TRAF2: variants seen among roughly 807,000 people sequenced by gnomAD.
TRAF2 encodes TNF receptor associated factor 2, also known as TNF receptor-associated factor 2.
A neutral mutation model predicts 55.6 loss-of-function variants in TRAF2; 6 were observed. The observed-to-expected ratio is 0.11, with a 90% CI of 0.06 to 0.21. TRAF2 has a LOEUF of 0.21. Ranked by LOEUF, TRAF2 falls within the 10% of genes least tolerant of loss-of-function variation. The pLI is 1.00. For synonymous variants in TRAF2, 329 were observed against 276.3 expected (o/e 1.19, Z -1.89); for missense variants, 561 against 684.5 (o/e 0.82, Z 2.01).
intron 4 of TRAF2, among the ~76,000 whole-genome samples, chr9:136,901,774 C>G (rs1242460023): frequency 6.6e-6 from 1 of 152,148 alleles, no homozygotes; most frequent in Non-Finnish European, 1.5e-5. Flanking sequence ...TCAGCCGGAC[C>G]CTGGGGTGTT....
chr9:136,902,027 C>A (rs143894474), intron 4 of TRAF2: 1 of 152,258 alleles, frequency 6.6e-6, no homozygotes, highest in African/African-American at 2.4e-5. Context: ...CTCCCTAGCA[C>A]GGGGATTGCG....
At chr9:136,897,359 G>A (rs1415047384) in intron 1 of TRAF2, among the ~76,000 whole-genome samples, 1 of 152,252 alleles carries the variant, frequency 6.6e-6, no homozygotes, top group Non-Finnish European at 1.5e-5. Flanking sequence ...GGCTGCCTTG[G>A]TGGGGCTTAC....
rs769248714 is a variant in TRAF2 at position 136,923,862 on chromosome 9, C to T, written c.1149C>T (p.Thr383=). Residue 383 remains threonine, a synonymous_variant, in exon 10 of 11, where the codon ACC becomes ACT. Transcript: ENST00000247668. ...IPAIFSPAFY[T]SRYGYKMCLR... ...CTCCTGCCTCCCCAGCCTTCTACAC[C>T]AGCAGGTACGGCTACAAGATGTGTC... The T allele has an allele frequency of 1.9e-6, 3 of 1,613,560 alleles. No homozygotes were observed. Among genetic ancestry groups the T allele is most frequent in the Admixed American group, 3.3e-5 (2 of 60,016 alleles).
intron 4 of TRAF2, among the ~76,000 whole-genome samples, chr9:136,901,369 C>T (rs917384859): frequency 6.6e-6 from 1 of 152,142 alleles, no homozygotes; most frequent in Non-Finnish European, 1.5e-5. Context: ...CCAGTGTCTG[C>T]GGATGAATGG....
At chr9:136,908,871 GAAA>G (rs11418746) in intron 5 of TRAF2, among the ~76,000 whole-genome samples, 109 of 84,454 alleles carry the variant, frequency 1.3e-3, no homozygotes, top group African/African-American at 3.9e-3. Flanking sequence ...TTCCGTCTCG[GAAA>G]AAAAAAAAAA....
chr9:136,910,864 T>C (rs1301836235), intron 6 of TRAF2, among the ~76,000 whole-genome samples: 3 of 152,238 alleles, frequency 2.0e-5, no homozygotes, highest in Admixed American at 2.0e-4. Context: ...CTGTTAAATG[T>C]CCCGCACTGT....
intron 4 of TRAF2, among the ~76,000 whole-genome samples, chr9:136,906,105 A>C (rs574527721): frequency 6.6e-6 from 1 of 152,232 alleles, no homozygotes; most frequent in South Asian, 2.1e-4. Flanking sequence ...ATCTCAAAAC[A>C]AAAACAAAAA....
rs147529604 is a variant in TRAF2 at position 136,916,568 on chromosome 9, A to G, written c.631A>G (p.Lys211Glu). The change falls in exon 7 of 11, where the codon AAG (lysine) becomes GAG (glutamate). Residue 211 changes from lysine to glutamate, a missense_variant. Lys to Glu is a moderately conservative substitution (Grantham distance 56). Transcript: ENST00000247668. The part of the protein sequence containing the change: ...KFQDHVKTCG[K>E]CRVPCRFHAI... ...TCAGGACCACGTCAAGACTTGTGGC[A>G]AGTGTCGAGTCCCTTGCAGATTCCA... is the stretch of plus-strand genomic sequence containing the variant. 4 of 1,614,024 alleles carry G rather than the reference A, an allele frequency of 2.5e-6. No individual in the cohort carries two copies. Among genetic ancestry groups the G allele is most frequent in the Non-Finnish European group, 3.4e-6 (4 of 1,179,974 alleles).
chr9:136,889,940 C>T (rs1282291257), intron 1 of TRAF2, among the ~76,000 whole-genome samples: 5 of 150,658 alleles, frequency 3.3e-5, no homozygotes, highest in East Asian at 2.0e-4. Flanking sequence ...CTCGTCACCG[C>T]GTGTGTGAGA....
chr9:136,899,381 G>A (rs17250190), intron 2 of TRAF2, among the ~76,000 whole-genome samples: 2 of 152,186 alleles, frequency 1.3e-5, no homozygotes, highest in South Asian at 4.1e-4. Context: ...CGGTTCAGGC[G>A]TGCCTTCCTC....
At position 136,913,295 on chromosome 9, in the gene TRAF2, A is replaced by AT. The variant is rs369765173; in HGVS notation, c.604-3224dup. Among the ~76,000 whole-genome samples, 344 of 87,064 alleles carry AT rather than the reference A, an allele frequency of 4.0e-3. 15 individuals carry two copies. Among genetic ancestry groups the AT allele is most frequent in the Middle Eastern group, 0.012 (1 of 84 alleles). The allele number at this position is 87,064 out of a possible 152,430, so 57.1% of individuals were successfully genotyped here. ...CATACCATGTTCTTATTATAAAGGA[A>AT]TTTTTTTTTTTTTTTTTTTTTTGAG... On this transcript the variant is annotated intron_variant, in intron 6 of 10. Coordinates refer to ENST00000247668, the MANE Select transcript of TRAF2 (RefSeq NM_021138.4).
At position 136,920,479 on chromosome 9, in the gene TRAF2, G is replaced by C; in HGVS notation, c.924G>C (p.Arg308=). ...MTAEACSRQH[R]LDQDKIEALS... is the part of the protein sequence containing the mutation. ...CCGAGGCCTGCAGCCGGCAGCACCG[G>C]CTGGACCAAGACAAGATTGAAGCCC... is the stretch of plus-strand genomic sequence containing the variant. The change falls in exon 8 of 11, where the codon CGG becomes CGC. Residue 308 remains arginine, a synonymous_variant. Transcript: ENST00000247668. 6.2e-7 allele frequency: 1 copy of C among 1,613,354 alleles called. No individual in the cohort carries two copies. Among genetic ancestry groups the C allele is most frequent in the Non-Finnish European group, 8.5e-7 (1 of 1,179,802 alleles).
chr9:136,895,011 GGGTTT>G (rs1849651899), intron 1 of TRAF2, among the ~76,000 whole-genome samples: 1 of 152,170 alleles, frequency 6.6e-6, no homozygotes. Context: ...AAAGCCTCCT[GGGTTT>G]GGCTGAGTCC....
Position 136,908,065 on chromosome 9 carries a change from G to T in TRAF2, c.367-5G>T. 6.3e-7 allele frequency: 1 copy of T among 1,598,652 alleles called. No individual in the cohort carries two copies. The highest frequency in any genetic ancestry group is 8.5e-7 in the Non-Finnish European group (1 of 1,177,178). The stretch of plus-strand genomic sequence containing the variant: ...TCTACTGACGCTTCCTCCTTTCGTT[G>T]CTAGAGCTGCCACGAAGGCCGCTGC... On this transcript the variant is annotated splice_polypyrimidine_tract_variant and splice_region_variant and intron_variant, in intron 4 of 10. Coordinates refer to ENST00000247668, the MANE Select transcript of TRAF2 (RefSeq NM_021138.4).
intron 6 of TRAF2, among the ~76,000 whole-genome samples, chr9:136,912,448 CTG>C (rs1850137786): frequency 6.6e-6 from 1 of 152,216 alleles, no homozygotes. Context: ...GCGTGAGCCA[CTG>C]TGCCTGGCCT....
intron 5 of TRAF2, 150 bp downstream of exon 5, chr9:136,908,381 T>C (rs1420777482): frequency 1.1e-6 from 1 of 914,686 alleles, no homozygotes; most frequent in Non-Finnish European, 1.6e-6. Context: ...CGGATGTTTC[T>C]TGGCAGAACT....
At chr9:136,901,317 C>T (rs1355341451) in intron 4 of TRAF2, among the ~76,000 whole-genome samples, 4 of 152,180 alleles carry the variant, frequency 2.6e-5, no homozygotes, top group African/African-American at 4.8e-5. Context: ...GTACAGGATT[C>T]CTGGAGTAAC....
chr9:136,917,492 A>C (rs940419028), intron 7 of TRAF2, among the ~76,000 whole-genome samples: 5 of 152,130 alleles, frequency 3.3e-5, no homozygotes, highest in African/African-American at 1.2e-4. Flanking sequence ...GTACAACAGG[A>C]GCCCCTTGAG....
At chr9:136,890,858 G>GGAATAAT (rs1849567598) in intron 1 of TRAF2, among the ~76,000 whole-genome samples, 1 of 152,180 alleles carries the variant, frequency 6.6e-6, no homozygotes, top group South Asian at 2.1e-4. Context: ...AGCCGTGTCA[G>GGAATAAT]GATGTCACGA....
Sources: allele counts gnomAD v4.1 joint callset (sites outside exome capture counted in the v4.1 genomes callset), GRCh38; gene constraint gnomAD v4.1.1; transcripts MANE v1.5; gene names NCBI Gene and HGNC (gene_info 2026-07-23, HGNC 2026-07-21).